MAU2: variants seen among roughly 807,000 people sequenced by gnomAD.
MAU2 encodes MAU2 chromatid cohesion factor homolog.
MAU2 carries 9 observed loss-of-function variants against 89.1 expected under a neutral mutation model. The observed-to-expected ratio is 0.10, with a 90% confidence interval of 0.06 to 0.18. MAU2 has a LOEUF of 0.18. Among genes scored for constraint, MAU2 ranks in the 10% least tolerant of loss-of-function variants. The probability of loss-of-function intolerance (pLI) is 1.00; values close to 1 mark genes in which losing one functional copy is unlikely to be tolerated. For synonymous variants in MAU2, 357 were observed against 343.4 expected, an observed-to-expected ratio of 1.04 and a Z score of -0.44; for missense variants, 425 against 803.5, an observed-to-expected ratio of 0.53 and a Z score of 5.69.
At chr19:19,338,588 A>G (rs116950801) in intron 4 of MAU2, among the ~76,000 whole-genome samples, 2 of 152,298 alleles carry the variant, frequency 1.3e-5, no homozygotes, top group Non-Finnish European at 2.9e-5. Context: ...TGCTGGTTCT[A>G]TGCTCCATTA....
At chr19:19,355,200 C>G (rs1042931181) in intron 17 of MAU2, 64 bp from the exon 18 acceptor site, 3 of 1,603,546 alleles carry the variant, frequency 1.9e-6, no homozygotes, top group Non-Finnish European at 1.7e-6. Context: ...CCATCTGCAC[C>G]GAGTGGGAGG....
At position 19,345,236 on chromosome 19, in the gene MAU2, A is replaced by G; in HGVS notation, c.1156-68A>G. On this transcript the variant is annotated intron_variant, in intron 11 of 18. Coordinates refer to ENST00000262815, the MANE Select transcript of MAU2 (RefSeq NM_015329.4). This position sits in a 1 kb window ranked among gnomAD's most constrained non-coding sequence, Gnocchi z 4.9. ...GGGCAGCCGTGCAGGCCCCGGGCAC[A>G]CCACGTGTCTCTGATCTGAGCCCCC... 1 of 1,424,036 alleles carries G rather than the reference A, an allele frequency of 7.0e-7. No individual in the cohort carries two copies. Among genetic ancestry groups the G allele is most frequent in the East Asian group, 2.3e-5 (1 of 43,628 alleles). 88.2% of individuals were successfully genotyped at this position (1,424,036 alleles called of 1,614,324 possible). A position where few individuals can be genotyped will look rare whatever the true frequency, so the allele number is the denominator to read the frequency against.
Position 19,344,937 on chromosome 19 carries a change from C to G in MAU2, c.1155+11C>G, listed in dbSNP as rs60890167. On this transcript the variant is annotated intron_variant, in intron 11 of 18. Coordinates refer to ENST00000262815, the MANE Select transcript of MAU2 (RefSeq NM_015329.4). ...CTGCACACATTGCTGGTGAGTAACC[C>G]TGTGACAACACCCCGGGAGAATCCA... 1.2e-6 allele frequency: 2 copies of G among 1,612,542 alleles called. No homozygotes were observed. The highest frequency in any genetic ancestry group is 1.7e-6 in the Non-Finnish European group (2 of 1,179,148).
At chr19:19,328,381 T>C (rs1320256568) in intron 1 of MAU2, among the ~76,000 whole-genome samples, 1 of 151,976 alleles carries the variant, frequency 6.6e-6, no homozygotes, top group Non-Finnish European at 1.5e-5. Flanking sequence ...ACATCTGCTG[T>C]TGAATCAAGA....
At chr19:19,344,574 A>G in intron 10 of MAU2, 1 of 538,742 alleles carries the variant, frequency 1.9e-6, no homozygotes, top group Non-Finnish European at 3.3e-6. Flanking sequence ...CCCTCCTGAG[A>G]GGGCATGGGG....
At chr19:19,350,683 A>C (rs11085260) in intron 16 of MAU2, among the ~76,000 whole-genome samples, 1 of 150,394 alleles carries the variant, frequency 6.6e-6, no homozygotes, top group Non-Finnish European at 1.5e-5. Flanking sequence ...GGCAGATCAC[A>C]AGGTCAGGAG....
intron 8 of MAU2, 44 bp from the exon 9 acceptor site, chr19:19,342,732 G>A (rs1412221752): frequency 6.2e-7 from 1 of 1,613,734 alleles, no homozygotes; most frequent in Admixed American, 1.7e-5. Flanking sequence ...GGCAGGGAGA[G>A]GGAGAGGGCC....
intron 1 of MAU2, among the ~76,000 whole-genome samples, chr19:19,324,024 C>A (rs1410730909): frequency 6.6e-6 from 1 of 152,168 alleles, no homozygotes; most frequent in Non-Finnish European, 1.5e-5. Context: ...ATGCAGGATG[C>A]CAAGCCCTAT....
chr19:19,323,707 C>A (rs1599885190), intron 1 of MAU2, among the ~76,000 whole-genome samples: 1 of 152,040 alleles, frequency 6.6e-6, no homozygotes, highest in African/African-American at 2.4e-5. Context: ...AGGGCTTGAA[C>A]TCCTGAGCTC....
chr19:19,337,345 A>G (rs2061605688), intron 4 of MAU2, 80 bp downstream of exon 4: 3 of 1,152,154 alleles, frequency 2.6e-6, no homozygotes, highest in Admixed American at 1.9e-5. Context: ...TGCAAAGAAC[A>G]GCAGAGTCCA....
At chr19:19,325,290 C>G (rs543759733) in intron 1 of MAU2, among the ~76,000 whole-genome samples, 1 of 152,266 alleles carries the variant, frequency 6.6e-6, no homozygotes. Flanking sequence ...AGTCTCCTGC[C>G]TCAGCCTCCC....
At chr19:19,333,470 A>G (rs2061572654) in intron 1 of MAU2, among the ~76,000 whole-genome samples, 1 of 152,232 alleles carries the variant, frequency 6.6e-6, no homozygotes, top group African/African-American at 2.4e-5. Context: ...TGGACAACAC[A>G]GTGAGACTGT....
At chr19:19,321,377 C>T (rs2061454260) in intron 1 of MAU2, 1 of 474,300 alleles carries the variant, frequency 2.1e-6, no homozygotes, top group South Asian at 3.4e-5. Flanking sequence ...TCCAGGAGCC[C>T]CGTCACCGTA....
intron 18 of MAU2, 113 bp from the exon 19 acceptor site, chr19:19,355,595 A>G (rs2048168525): frequency 1.6e-6 from 2 of 1,217,254 alleles, no homozygotes; most frequent in South Asian, 1.4e-5. Flanking sequence ...GGACTGGGGC[A>G]TGGAGAACAG....
chr19:19,335,980 G>T, intron 2 of MAU2, 142 bp from the exon 3 acceptor site: 1 of 724,070 alleles, frequency 1.4e-6, no homozygotes, highest in Non-Finnish European at 2.4e-6. Context: ...GGTTCACTGG[G>T]GGAACAGGAA....
chr19:19,341,071 T>C (rs994581293), intron 6 of MAU2, among the ~76,000 whole-genome samples, 181 bp from the exon 7 acceptor site: 3 of 152,132 alleles, frequency 2.0e-5, no homozygotes, highest in Non-Finnish European at 4.4e-5. Context: ...CTGCACCCTA[T>C]GGGATTCATG....
intron 16 of MAU2, among the ~76,000 whole-genome samples, chr19:19,350,499 G>A (rs1160272694): frequency 1.3e-5 from 2 of 151,870 alleles, no homozygotes; most frequent in African/African-American, 4.8e-5. Flanking sequence ...AGCTATTCTG[G>A]AGGCTGAGAC....
chr19:19,355,430 C>T (rs770619529), intron 18 of MAU2, 39 bp downstream of exon 18: 21 of 1,607,116 alleles, frequency 1.3e-5, no homozygotes, highest in East Asian at 1.1e-4. Flanking sequence ...TCAGGACTAG[C>T]GGGCTCCCCA....
intron 16 of MAU2, chr19:19,354,038 T>G: frequency 2.9e-5 from 11 of 385,102 alleles, no homozygotes; most frequent in East Asian, 5.3e-5. Context: ...TCAGCCCCCA[T>G]TGTGGGTCTA....
Sources: allele counts gnomAD v4.1 joint callset (sites outside exome capture counted in the v4.1 genomes callset), GRCh38; gene constraint gnomAD v4.1.1; non-coding constraint Gnocchi (gnomAD v3.1); transcripts MANE v1.5; gene names NCBI Gene and HGNC (gene_info 2026-07-23, HGNC 2026-07-21).